The following NAV2 variants were observed in gnomAD, a reference collection of about 807,000 sequenced individuals.
NAV2 encodes the protein helicase, APC down-regulated 1.
A neutral mutation model predicts 223.2 loss-of-function variants in NAV2; 54 were observed. The ratio of observed to expected loss-of-function variants is 0.24; its 90% CI spans 0.19 to 0.30. The LOEUF (loss-of-function observed/expected upper bound fraction) is 0.30, where lower values mean the gene tolerates loss of function less well. Among genes scored for constraint, NAV2 ranks in the 10% least tolerant of loss-of-function variants. The pLI is 1.00. For synonymous variants in NAV2, 1,279 were observed against 1,239.3 expected, an observed-to-expected ratio of 1.03 and a Z score of -0.67; for missense variants, 2,806 against 3,147.5, an observed-to-expected ratio of 0.89 and a Z score of 2.60.
intron 1 of NAV2, among the ~76,000 whole-genome samples, chr11:19,763,011 A>G (rs1489244456): frequency 6.6e-6 from 1 of 152,096 alleles, no homozygotes; most frequent in African/African-American, 2.4e-5. Flanking sequence ...ACTTCTTAGC[A>G]CACTTGTATT....
chr11:20,070,413 G>A (rs989437472), intron 22 of NAV2, among the ~76,000 whole-genome samples: 3 of 152,174 alleles, frequency 2.0e-5, no homozygotes, highest in African/African-American at 7.2e-5. Flanking sequence ...GTGAACTTGG[G>A]TTAATTGTTC....
intron 1 of NAV2, among the ~76,000 whole-genome samples, chr11:19,719,230 T>G (rs1285734930): frequency 1.3e-5 from 2 of 152,212 alleles, no homozygotes; most frequent in African/African-American, 4.8e-5. Context: ...ATGGAGCATC[T>G]GCTATGTGCC....
intron 1 of NAV2, among the ~76,000 whole-genome samples, chr11:19,676,495 T>A (rs1345496060): frequency 6.6e-6 from 1 of 151,922 alleles, no homozygotes; most frequent in Non-Finnish European, 1.5e-5. Flanking sequence ...AAAAAAAAAT[T>A]TTTAGAAAGC....
intron 11 of NAV2, among the ~76,000 whole-genome samples, chr11:20,018,944 G>A (rs941545286): frequency 2.0e-5 from 3 of 152,198 alleles, no homozygotes; most frequent in African/African-American, 7.2e-5. Context: ...CCTAGGAAGT[G>A]GGAAGAAGCT....
At chr11:19,653,227 A>G (rs985276759) in intron 1 of NAV2, among the ~76,000 whole-genome samples, 8 of 152,216 alleles carry the variant, frequency 5.3e-5, no homozygotes, top group African/African-American at 1.7e-4. Context: ...TTAATGTTTC[A>G]TGATGGATGG....
intron 1 of NAV2, among the ~76,000 whole-genome samples, chr11:19,592,587 G>A (rs2046091950): frequency 6.6e-6 from 1 of 151,948 alleles, no homozygotes; most frequent in Admixed American, 6.6e-5. Flanking sequence ...CATGAACTTG[G>A]GCTTTTTAAT....
chr11:19,620,258 C>A (rs2046947347), intron 1 of NAV2, among the ~76,000 whole-genome samples: 1 of 152,054 alleles, frequency 6.6e-6, no homozygotes, highest in South Asian at 2.1e-4. Context: ...TTTTTGGTTC[C>A]ATATGAACTT....
chr11:20,108,440 C>T (rs1239183810), intron 36 of NAV2, among the ~76,000 whole-genome samples: 1 of 151,926 alleles, frequency 6.6e-6, no homozygotes, highest in African/African-American at 2.4e-5. Flanking sequence ...TTGGAAAGCA[C>T]AAATTCTTTT....
chr11:20,088,578 G>T (rs2060610214), intron 26 of NAV2, among the ~76,000 whole-genome samples: 1 of 152,200 alleles, frequency 6.6e-6, no homozygotes, highest in African/African-American at 2.4e-5. Flanking sequence ...GGAGCATAGG[G>T]AGGACAAAGT....
intron 1 of NAV2, among the ~76,000 whole-genome samples, chr11:19,509,683 C>G (rs1443043116): frequency 6.6e-6 from 1 of 152,166 alleles, no homozygotes; most frequent in Non-Finnish European, 1.5e-5. Flanking sequence ...TTTGCCCCAC[C>G]TTCTCTTTGC....
At chr11:19,926,930 GGA>G (rs746781462) in intron 6 of NAV2, among the ~76,000 whole-genome samples, 96 of 152,278 alleles carry the variant, frequency 6.3e-4, no homozygotes, top group Non-Finnish European at 8.1e-4. Flanking sequence ...GCTGGGGACA[GGA>G]GAGACCTGGG....
intron 1 of NAV2, among the ~76,000 whole-genome samples, chr11:19,678,588 A>AGAACCCGCGTCTGAG (rs1390262166): frequency 6.6e-6 from 1 of 152,258 alleles, no homozygotes; most frequent in African/African-American, 2.4e-5. Flanking sequence ...CATCACATAT[A>AGAACCCGCGTCTGAG]GAACCCGCGT....
intron 11 of NAV2, among the ~76,000 whole-genome samples, chr11:20,007,837 G>A (rs1222106255): frequency 6.6e-6 from 1 of 152,138 alleles, no homozygotes; most frequent in African/African-American, 2.4e-5. Context: ...TCAGCCAGTG[G>A]TACAGTAACT....
chr11:20,046,348 AAAAG>A (rs2057425353), intron 14 of NAV2, among the ~76,000 whole-genome samples: 1 of 152,068 alleles, frequency 6.6e-6, no homozygotes, highest in Admixed American at 6.5e-5. Context: ...AAAAAAAAAA[AAAAG>A]AAGTTAGCTA....
chr11:20,101,239 C>A, intron 32 of NAV2, 67 bp downstream of exon 32: 1 of 1,229,642 alleles, frequency 8.1e-7, no homozygotes, highest in Non-Finnish European at 1.2e-6. Flanking sequence ...TCACCACTAG[C>A]CTGAAGGGAA....
intron 11 of NAV2, among the ~76,000 whole-genome samples, chr11:20,015,099 G>C (rs2053894819): frequency 6.6e-6 from 1 of 152,008 alleles, no homozygotes; most frequent in Non-Finnish European, 1.5e-5. Flanking sequence ...TCTCAAAAAA[G>C]GTAGTTAATT....
At chr11:19,554,184 A>G (rs1418738086) in intron 1 of NAV2, among the ~76,000 whole-genome samples, 6 of 152,348 alleles carry the variant, frequency 3.9e-5, no homozygotes, top group Admixed American at 3.3e-4. Context: ...ATCTACGTGC[A>G]GGCATTTACT....
intron 1 of NAV2, among the ~76,000 whole-genome samples, chr11:19,359,943 C>T (rs758316946): frequency 2.6e-5 from 4 of 152,182 alleles, no homozygotes; most frequent in Non-Finnish European, 5.9e-5. Flanking sequence ...GGCTGATCCT[C>T]ATTGCCCCCA....
At chr11:19,909,337 CAG>C (rs1278578644) in intron 6 of NAV2, among the ~76,000 whole-genome samples, 3 of 152,154 alleles carry the variant, frequency 2.0e-5, no homozygotes, top group Admixed American at 1.3e-4. Flanking sequence ...AGGCAGTAAA[CAG>C]AGCATTGACG....
Sources: allele counts gnomAD v4.1 joint callset (sites outside exome capture counted in the v4.1 genomes callset), GRCh38; gene constraint gnomAD v4.1.1; transcripts MANE v1.5; gene names NCBI Gene and HGNC (gene_info 2026-07-23, HGNC 2026-07-21).